The following CACNB4 variants were observed in gnomAD, a reference collection of about 807,000 sequenced individuals.
CACNB4 encodes voltage-dependent L-type calcium channel subunit beta-4.
CACNB4 carries 32 observed loss-of-function variants against 71.2 expected under a neutral mutation model. That is an observed-to-expected ratio of 0.45 (90% CI 0.34 to 0.60). The LOEUF (loss-of-function observed/expected upper bound fraction) is 0.60. CACNB4 is among the 20% of genes least tolerant of loss of function. The probability of loss-of-function intolerance (pLI) is 0.01; values close to 1 mark genes in which losing one functional copy is unlikely to be tolerated. For missense variants in CACNB4, 464 were observed against 647.9 expected (o/e 0.72, Z 3.08); for synonymous variants, 231 against 236.9 (o/e 0.97, Z 0.23).
intron 2 of CACNB4, among the ~76,000 whole-genome samples, chr2:152,061,589 C>A (rs912249157): frequency 2.7e-5 from 4 of 150,480 alleles, no homozygotes; most frequent in African/African-American, 9.8e-5. Flanking sequence ...AGTCATAAAC[C>A]ATGTAAATTC....
intron 5 of CACNB4, among the ~76,000 whole-genome samples, chr2:151,876,209 C>T (rs1380405049): frequency 6.6e-6 from 1 of 151,998 alleles, no homozygotes; most frequent in African/African-American, 2.4e-5. Flanking sequence ...TTGCTGAGGC[C>T]ACAGAAAACA....
At chr2:152,076,316 GGT>G in intron 2 of CACNB4, among the ~76,000 whole-genome samples, 1 of 107,354 alleles carries the variant, frequency 9.3e-6, no homozygotes, top group Non-Finnish European at 1.8e-5. Flanking sequence ...TAATTTTTTG[GGT>G]TTTTTTTTTT....
Position 152,094,210 on chromosome 2 carries a change from G to A in CACNB4, c.147+4120C>T, listed in dbSNP as rs532274261. 2.2e-4 allele frequency among the ~76,000 whole-genome samples: 33 copies of A among 152,326 alleles called. No homozygotes were observed. In the South Asian group the frequency reaches 3.3e-3, roughly 15 times the overall value. On this transcript the variant is annotated intron_variant, in intron 2 of 13. Transcript: ENST00000539935. Reference sequence around the variant, plus strand: ...GACTTTATCAGGAAGGTTAGAAGAGGAAGTGAAGACTAAACCCCCAGATCT... The same window carrying A: ...GACTTTATCAGGAAGGTTAGAAGAGAAAGTGAAGACTAAACCCCCAGATCT...
In CACNB4 at chr2:151,855,205, G is replaced by A. The variant is rs756735867; in HGVS notation, c.1020+19C>T. The A allele has an allele frequency of 6.6e-7, 1 of 1,508,622 alleles. No homozygotes were observed. Among genetic ancestry groups the A allele is most frequent in the Non-Finnish European group, 9.0e-7 (1 of 1,107,674 alleles). 93.5% of individuals were successfully genotyped at this position (1,508,622 alleles called of 1,614,324 possible). ...AAAAGATGCACTTCTAAACCTTAAG[G>A]CAGAAAGGAGCTAATTACCTTTGGA... On this transcript the variant is annotated intron_variant, in intron 11 of 13. Coordinates refer to ENST00000539935, the MANE Select transcript of CACNB4 (RefSeq NM_000726.5).
At chr2:151,968,397 T>C (rs892727430) in intron 2 of CACNB4, 1 of 152,202 alleles carries the variant, frequency 6.6e-6, no homozygotes, top group Non-Finnish European at 1.5e-5. Context: ...CTTAATGTTA[T>C]GGATATCTGA....
At chr2:151,875,599 C>G (rs931677551) in intron 5 of CACNB4, among the ~76,000 whole-genome samples, 4 of 146,408 alleles carry the variant, frequency 2.7e-5, no homozygotes, top group African/African-American at 1.1e-4. Context: ...ACCTCCCGGA[C>G]GGGGCGGCTC....
chr2:151,995,448 A>G (rs1323907466), intron 2 of CACNB4, among the ~76,000 whole-genome samples: 1 of 152,262 alleles, frequency 6.6e-6, no homozygotes, highest in African/African-American at 2.4e-5. Flanking sequence ...AAGTAAGTTC[A>G]TACACAAAAT....
chr2:151,934,513 T>A, intron 2 of CACNB4, among the ~76,000 whole-genome samples: 1 of 152,222 alleles, frequency 6.6e-6, no homozygotes, highest in East Asian at 1.9e-4. Flanking sequence ...AGTCCAGAAC[T>A]GAAGAATGAC....
chr2:151,957,152 C>CAAAA (rs1251619659), intron 2 of CACNB4, among the ~76,000 whole-genome samples: 1 of 150,944 alleles, frequency 6.6e-6, no homozygotes, highest in Non-Finnish European at 1.5e-5. Context: ...GACTCCATCT[C>CAAAA]AAAAAAAAGA....
chr2:152,093,400 G>GGGGTGTGTGT (rs1553838672), intron 2 of CACNB4, among the ~76,000 whole-genome samples: 1 of 146,648 alleles, frequency 6.8e-6, no homozygotes, highest in South Asian at 2.2e-4. Flanking sequence ...GCTGTTTTTT[G>GGGGTGTGTGT]GTGTGTGTGT....
intron 8 of CACNB4, chr2:151,870,092 T>A: frequency 1.7e-6 from 1 of 599,640 alleles, no homozygotes; most frequent in South Asian, 2.1e-5. Context: ...TTTGGTGGCA[T>A]ATGCCATCAT....
intron 2 of CACNB4, among the ~76,000 whole-genome samples, chr2:152,062,734 G>T (rs990666673): frequency 6.6e-6 from 1 of 152,144 alleles, no homozygotes; most frequent in African/African-American, 2.4e-5. Context: ...AATGACAGAC[G>T]GGAAGCATTT....
At chr2:151,963,639 T>G (rs1429687690) in intron 2 of CACNB4, among the ~76,000 whole-genome samples, 2 of 152,166 alleles carry the variant, frequency 1.3e-5, no homozygotes, top group African/African-American at 2.4e-5. Context: ...CAAAAAAGAA[T>G]GTATAATGTA....
chr2:151,924,843 C>T (rs186441229), intron 2 of CACNB4, among the ~76,000 whole-genome samples: 14 of 152,180 alleles, frequency 9.2e-5, no homozygotes, highest in Admixed American at 8.5e-4. Flanking sequence ...TTTTGTAACA[C>T]GGTTGAGGTG....
chr2:151,895,093 G>GCCCC (rs1386086990), intron 2 of CACNB4, among the ~76,000 whole-genome samples: 1,251 of 25,584 alleles, frequency 0.049, 64 homozygotes, highest in African/African-American at 0.11. Flanking sequence ...AACTCAAATA[G>GCCCC]CCCCACACAC....
At chr2:152,042,897 C>G (rs542368755) in intron 2 of CACNB4, among the ~76,000 whole-genome samples, 1 of 152,186 alleles carries the variant, frequency 6.6e-6, no homozygotes, top group South Asian at 2.1e-4. Context: ...GTAACGAAGC[C>G]GGCTAAAACC....
chr2:152,036,592 C>T (rs555816305), intron 2 of CACNB4, among the ~76,000 whole-genome samples: 1 of 152,272 alleles, frequency 6.6e-6, no homozygotes, highest in African/African-American at 2.4e-5. Flanking sequence ...AACCACTGTG[C>T]CTGGCCAGTA....
At chr2:151,975,083 A>G (rs2099873538) in intron 2 of CACNB4, among the ~76,000 whole-genome samples, 1 of 152,320 alleles carries the variant, frequency 6.6e-6, no homozygotes, top group Non-Finnish European at 1.5e-5. Flanking sequence ...ACCCGCCAAA[A>G]TGAGGTAAGA....
intron 9 of CACNB4, chr2:151,866,511 T>G (rs547060028): frequency 6.6e-6 from 1 of 152,368 alleles, no homozygotes; most frequent in African/African-American, 2.4e-5. Context: ...TTTTTTTCTC[T>G]CCTTGTATCA....
Sources: gnomAD v4.1 joint callset for allele counts (sites outside exome capture counted in the v4.1 genomes callset) on GRCh38, gnomAD v4.1.1 for gene constraint, MANE v1.5 for transcripts, NCBI Gene and HGNC (gene_info 2026-07-23, HGNC 2026-07-21) for gene names.